The following JARID2 variants were observed in gnomAD, a reference collection of about 807,000 sequenced individuals.
JARID2 encodes the protein jumonji and AT-rich interaction domain containing 2.
JARID2 carries 21 observed loss-of-function variants against 125.6 expected under a neutral mutation model. The ratio of observed to expected loss-of-function variants is 0.17; its 90% CI spans 0.12 to 0.24. The LOEUF is 0.24. Among genes scored for constraint, JARID2 ranks in the 10% least tolerant of loss-of-function variants. The pLI, the probability that JARID2 is intolerant of heterozygous loss-of-function variation, is 1.00. For missense variants in JARID2, 1,303 were observed against 1,639.6 expected (o/e 0.79, Z 3.55); for synonymous variants, 736 against 661.6 (o/e 1.11, Z -1.73).
chr6:15,319,211 C>T (rs1259167633), intron 1 of JARID2, among the ~76,000 whole-genome samples: 1 of 152,164 alleles, frequency 6.6e-6, no homozygotes, highest in African/African-American at 2.4e-5. Flanking sequence ...TAGATGAGCA[C>T]AGATCTTTCA....
intron 3 of JARID2, among the ~76,000 whole-genome samples, chr6:15,427,506 A>T (rs928492978): frequency 6.6e-6 from 1 of 152,048 alleles, no homozygotes; most frequent in African/African-American, 2.4e-5. Flanking sequence ...ATTATGGTCT[A>T]GTATGCTTTG....
intron 1 of JARID2, among the ~76,000 whole-genome samples, chr6:15,299,676 C>T (rs1453298165): frequency 6.6e-6 from 1 of 152,066 alleles, no homozygotes; most frequent in East Asian, 1.9e-4. Context: ...GCCACTGCAC[C>T]AGAGTTTGGG....
chr6:15,350,153 C>G (rs1763375386), intron 1 of JARID2, among the ~76,000 whole-genome samples: 1 of 152,124 alleles, frequency 6.6e-6, no homozygotes, highest in African/African-American at 2.4e-5. Flanking sequence ...CCCTTTCCAT[C>G]AAGCTTGAGG....
intron 1 of JARID2, among the ~76,000 whole-genome samples, chr6:15,299,838 G>T (rs1480520630): frequency 6.6e-6 from 1 of 152,080 alleles, no homozygotes; most frequent in African/African-American, 2.4e-5. Flanking sequence ...TTTTTTTCTG[G>T]TAGTTTGACC....
chr6:15,485,713 T>C (rs2127713932), intron 5 of JARID2, among the ~76,000 whole-genome samples: 1 of 152,266 alleles, frequency 6.6e-6, no homozygotes, highest in East Asian at 1.9e-4. Context: ...ACAAAGAAAT[T>C]TGTTAGCAGA....
At chr6:15,326,450 C>T (rs1224587769) in intron 1 of JARID2, among the ~76,000 whole-genome samples, 1 of 152,192 alleles carries the variant, frequency 6.6e-6, no homozygotes, top group African/African-American at 2.4e-5. Flanking sequence ...CTTAGCCTTC[C>T]AAAGTGCTGA....
intron 1 of JARID2, among the ~76,000 whole-genome samples, chr6:15,351,714 C>T (rs1763435037): frequency 6.6e-6 from 1 of 152,088 alleles, no homozygotes; most frequent in Admixed American, 6.5e-5. Flanking sequence ...GGAAGTTATC[C>T]TGGGCTTCTG....
intron 1 of JARID2, among the ~76,000 whole-genome samples, chr6:15,276,647 A>G (rs983722841): frequency 6.6e-6 from 1 of 152,084 alleles, no homozygotes; most frequent in East Asian, 1.9e-4. Context: ...TGCTTTCTAC[A>G]TTAGGTCGGA....
chr6:15,366,527 T>C (rs1174765001), intron 1 of JARID2, among the ~76,000 whole-genome samples: 7 of 28,974 alleles, frequency 2.4e-4, no homozygotes, highest in African/African-American at 3.9e-4. Context: ...GCGGGGGGGG[T>C]GGGGGGTGGG....
At chr6:15,358,836 C>T (rs945587441) in intron 1 of JARID2, among the ~76,000 whole-genome samples, 4 of 152,160 alleles carry the variant, frequency 2.6e-5, no homozygotes, top group Non-Finnish European at 5.9e-5. Context: ...TTTTTTCATG[C>T]CAGGAGGCTG....
At chr6:15,516,809 A>G (rs1253365167) in intron 16 of JARID2, among the ~76,000 whole-genome samples, 1 of 152,186 alleles carries the variant, frequency 6.6e-6, no homozygotes, top group Non-Finnish European at 1.5e-5. Context: ...GAGATGAGAA[A>G]TACGCACCCC....
At chr6:15,354,167 G>C (rs1020199011) in intron 1 of JARID2, among the ~76,000 whole-genome samples, 1 of 152,212 alleles carries the variant, frequency 6.6e-6, no homozygotes, top group Non-Finnish European at 1.5e-5. Context: ...TTATTAAACA[G>C]AGGTAGGTGG....
At chr6:15,336,107 GAAT>G (rs1762868974) in intron 1 of JARID2, among the ~76,000 whole-genome samples, 1 of 150,750 alleles carries the variant, frequency 6.6e-6, no homozygotes, top group South Asian at 2.1e-4. Context: ...ATGAATGAAT[GAAT>G]GAATGAATAA....
intron 1 of JARID2, among the ~76,000 whole-genome samples, chr6:15,318,964 T>C (rs1000263804): frequency 3.9e-5 from 6 of 152,224 alleles, no homozygotes; most frequent in Non-Finnish European, 7.3e-5. Flanking sequence ...CTGTTTTCTT[T>C]ACTGTGGCTG....
chr6:15,442,479 G>T (rs1767489448), intron 3 of JARID2, among the ~76,000 whole-genome samples: 1 of 152,206 alleles, frequency 6.6e-6, no homozygotes, highest in Non-Finnish European at 1.5e-5. Flanking sequence ...CTGTCTTTAT[G>T]TAGTCCCTTC....
In JARID2 at chr6:15,496,162, T is replaced by C. The variant is rs1290104852; in HGVS notation, c.937T>C (p.Ser313Pro). The C allele has an allele frequency of 1.9e-6, 3 of 1,613,566 alleles. No individual in the cohort carries two copies. The highest frequency in any genetic ancestry group is 1.7e-6 in the Non-Finnish European group (2 of 1,179,618). The change falls in exon 7 of 18, where the codon TCA becomes CCA. Residue 313 changes from serine (S) to proline (P), a missense_variant. Coordinates refer to ENST00000341776, the MANE Select transcript of JARID2 (RefSeq NM_004973.4). ...TAAGGTAAACGGAGTCACTCGAATG[T>C]CATCTCTGGGTGCAGGTGTAACCAG... ...VSKVNGVTRM[S>P]SLGAGVTSAK...
chr6:15,403,493 G>GT (rs1472928977), intron 2 of JARID2, among the ~76,000 whole-genome samples: 5 of 152,094 alleles, frequency 3.3e-5, no homozygotes, highest in Non-Finnish European at 7.4e-5. Context: ...TATCTGCTGG[G>GT]TTTGTTCCTT....
chr6:15,449,194 C>T (rs912121650), intron 3 of JARID2, among the ~76,000 whole-genome samples: 8 of 152,258 alleles, frequency 5.3e-5, no homozygotes, highest in Non-Finnish European at 1.0e-4. Context: ...AAAAAGCTCT[C>T]TTTGTTCCCC....
chr6:15,490,203 A>G (rs1056624271), intron 6 of JARID2, among the ~76,000 whole-genome samples: 3 of 152,240 alleles, frequency 2.0e-5, no homozygotes, highest in Non-Finnish European at 4.4e-5. Context: ...TTTCAACTGC[A>G]TGAAAGATAT....
Sources: gnomAD v4.1 joint callset for allele counts (sites outside exome capture counted in the v4.1 genomes callset) on GRCh38, gnomAD v4.1.1 for gene constraint, MANE v1.5 for transcripts, NCBI Gene and HGNC (gene_info 2026-07-23, HGNC 2026-07-21) for gene names.